Variants in LEPR observed in about 807,000 individuals in gnomAD.
LEPR encodes the protein leptin receptor, also known as OB receptor.
Under a neutral mutation model 114.7 loss-of-function variants are expected in LEPR, and 56 were observed. The ratio of observed to expected loss-of-function variants is 0.49; its 90% CI spans 0.39 to 0.61. LEPR has a LOEUF of 0.61. Among genes scored for constraint, LEPR ranks in the 20% least tolerant of loss-of-function variants. The pLI, the probability that LEPR is intolerant of heterozygous loss-of-function variation, is 0.00. For synonymous variants in LEPR, 443 were observed against 461.4 expected, an observed-to-expected ratio of 0.96 and a Z score of 0.51; for missense variants, 1,202 against 1,352.9, an observed-to-expected ratio of 0.89 and a Z score of 1.75.
intron 2 of LEPR, among the ~76,000 whole-genome samples, chr1:65,439,828 CA>C (rs34603511): frequency 0.24 from 13,781 of 56,480 alleles, 1,418 homozygotes; most frequent in African/African-American, 0.46. Flanking sequence ...AACTCCATCT[CA>C]AAAAAAAAAA....
chr1:65,578,805 A>T (rs1457020681), intron 5 of LEPR, among the ~76,000 whole-genome samples: 1 of 152,162 alleles, frequency 6.6e-6, no homozygotes, highest in Non-Finnish European at 1.5e-5. Flanking sequence ...ACACACACAC[A>T]AGCATACTGT....
chr1:65,634,519 A>G (rs947349428), intron 19 of LEPR: 5 of 944,182 alleles, frequency 5.3e-6, no homozygotes, highest in Non-Finnish European at 6.3e-6. Context: ...CTGACAAAAC[A>G]TATTTCAATA....
At chr1:65,565,220 A>G (rs1653648521) in intron 2 of LEPR, among the ~76,000 whole-genome samples, 1 of 152,212 alleles carries the variant, frequency 6.6e-6, no homozygotes, top group East Asian at 1.9e-4. Flanking sequence ...TAGCTGTTAC[A>G]TATTTTATCA....
intron 2 of LEPR, among the ~76,000 whole-genome samples, chr1:65,449,012 A>G (rs1646746825): frequency 6.6e-6 from 1 of 151,376 alleles, no homozygotes; most frequent in African/African-American, 2.4e-5. Context: ...TCTTGCCTCA[A>G]CCTCCCCAGT....
chr1:65,560,133 AC>A (rs1653208076), intron 2 of LEPR, among the ~76,000 whole-genome samples: 1 of 122,380 alleles, frequency 8.2e-6, no homozygotes, highest in Non-Finnish European at 1.8e-5. Context: ...TCTGTAAATG[AC>A]CTTGGGCAGT....
intron 2 of LEPR, among the ~76,000 whole-genome samples, chr1:65,548,343 G>A (rs1401915839): frequency 6.6e-6 from 1 of 152,116 alleles, no homozygotes; most frequent in Non-Finnish European, 1.5e-5. Context: ...GCAGAGGTGA[G>A]TTCAATTCCT....
rs1397542547 is a variant in LEPR, at chr1:65,556,694, G to A, written c.-20-8852G>A. On this transcript the variant is annotated intron_variant, in intron 2 of 19. Transcript: ENST00000349533. ...ATGCCTCTTTGAAGGTTGCTTTTGT[G>A]CATGTTGGCATGGGGGAGGTGCTAA... Among the ~76,000 whole-genome samples the A allele has an allele frequency of 2.0e-5, 3 of 152,102 alleles. No homozygotes were observed. The East Asian group carries it at 5.8e-4, about 29-fold the overall frequency.
chr1:65,485,734 A>AT (rs1647452983), intron 2 of LEPR, among the ~76,000 whole-genome samples: 1 of 152,120 alleles, frequency 6.6e-6, no homozygotes, highest in African/African-American at 2.4e-5. Context: ...TCCATTACCA[A>AT]TTTGTACAGT....
intron 2 of LEPR, among the ~76,000 whole-genome samples, chr1:65,485,925 G>A (rs542065921): frequency 3.3e-5 from 5 of 151,994 alleles, no homozygotes; most frequent in East Asian, 1.9e-4. Context: ...ATGGAGTTAC[G>A]GTGCTTCTGA....
intron 5 of LEPR, among the ~76,000 whole-genome samples, chr1:65,586,434 G>A (rs6676495): frequency 0.3 from 45,603 of 151,760 alleles, 7,756 homozygotes; most frequent in East Asian, 0.83. Flanking sequence ...TGGGGAGGGA[G>A]AATTTTCTTT....
At chr1:65,560,060 G>T (rs1186646942) in intron 2 of LEPR, among the ~76,000 whole-genome samples, 47 of 142,508 alleles carry the variant, frequency 3.3e-4, no homozygotes, top group South Asian at 1.2e-3. Flanking sequence ...ATATGAACTT[G>T]AAAGTAGTTT....
At chr1:65,551,451 T>G (rs1207326429) in intron 2 of LEPR, among the ~76,000 whole-genome samples, 1 of 152,158 alleles carries the variant, frequency 6.6e-6, no homozygotes, top group Admixed American at 6.5e-5. Context: ...GGTGTATGGG[T>G]CTAGGAATTT....
intron 1 of LEPR, chr1:65,421,294 T>G (rs896915192): frequency 1.3e-6 from 2 of 1,502,470 alleles, no homozygotes; most frequent in Non-Finnish European, 8.9e-7. Context: ...ATTTTAATAC[T>G]GCTTTCTTCG....
intron 2 of LEPR, among the ~76,000 whole-genome samples, chr1:65,564,121 C>A (rs1653506984): frequency 6.8e-6 from 1 of 146,080 alleles, no homozygotes; most frequent in African/African-American, 2.5e-5. Flanking sequence ...CCTGATCAAG[C>A]CTGGGCAATG....
chr1:65,432,223 C>T (rs1570436814), intron 2 of LEPR: 3 of 1,024,812 alleles, frequency 2.9e-6, no homozygotes, highest in Non-Finnish European at 3.5e-6. Context: ...TGCAGTGCAT[C>T]GAAACCTTTT....
chr1:65,502,465 A>C (rs1648503641), intron 2 of LEPR, among the ~76,000 whole-genome samples: 1 of 151,936 alleles, frequency 6.6e-6, no homozygotes, highest in Admixed American at 6.6e-5. Context: ...GCAAACGAAT[A>C]CAGCAATTTT....
At chr1:65,600,321 G>T (rs1257231428) in intron 8 of LEPR, among the ~76,000 whole-genome samples, 4 of 152,030 alleles carry the variant, frequency 2.6e-5, no homozygotes, top group Non-Finnish European at 5.9e-5. Flanking sequence ...TGGCTCCTGT[G>T]CAGTAATTTT....
At chr1:65,507,459 G>GTGTGTATATA (rs375120311) in intron 2 of LEPR, among the ~76,000 whole-genome samples, 1 of 139,522 alleles carries the variant, frequency 7.2e-6, no homozygotes, top group Non-Finnish European at 1.5e-5. Context: ...GTGTGTGTGT[G>GTGTGTATATA]TATATATATA....
chr1:65,548,463 C>A (rs1331364940), intron 2 of LEPR, among the ~76,000 whole-genome samples: 2 of 152,068 alleles, frequency 1.3e-5, no homozygotes, highest in African/African-American at 4.8e-5. Context: ...GTAGGTCACT[C>A]AGGACTTGCT....
Sources: gnomAD v4.1 joint callset for allele counts (sites outside exome capture counted in the v4.1 genomes callset) on GRCh38, gnomAD v4.1.1 for gene constraint, MANE v1.5 for transcripts, NCBI Gene and HGNC (gene_info 2026-07-23, HGNC 2026-07-21) for gene names.